The following PMPCB variants were observed in gnomAD, a reference collection of about 807,000 sequenced individuals.
PMPCB encodes mitochondrial-processing peptidase subunit beta.
PMPCB carries 46 observed loss-of-function variants against 61.5 expected under a neutral mutation model. That is an observed-to-expected ratio of 0.75 (90% CI 0.59 to 0.96). PMPCB has a LOEUF of 0.96. Among genes scored for constraint, PMPCB ranks in the 40% least tolerant of loss-of-function variants. PMPCB has a pLI of 0.00. For synonymous variants in PMPCB, 191 were observed against 201.6 expected, an observed-to-expected ratio of 0.95 and a Z score of 0.44; for missense variants, 590 against 602.4, an observed-to-expected ratio of 0.98 and a Z score of 0.22.
chr7:103,340,075 T>A, the PMPCB span, among the ~76,000 whole-genome samples: 2 of 152,208 alleles, frequency 1.3e-5, no homozygotes, highest in African/African-American at 2.4e-5. Context: ...TGACCTCGGG[T>A]GATCTGCCCG....
At chr7:103,342,211 T>C in the PMPCB span, among the ~76,000 whole-genome samples, 7 of 152,084 alleles carry the variant, frequency 4.6e-5, no homozygotes, top group Non-Finnish European at 1.0e-4. Flanking sequence ...GTAATGTCAA[T>C]GATAAATCAG....
intron 1 of PMPCB, chr7:103,297,968 G>A: frequency 8.4e-7 from 1 of 1,193,932 alleles, no homozygotes; most frequent in Non-Finnish European, 1.1e-6. Flanking sequence ...AATTTTTTAT[G>A]TATTTGCATT....
intron 12 of PMPCB, among the ~76,000 whole-genome samples, chr7:103,327,164 G>A (rs1486431426): frequency 6.6e-6 from 1 of 152,112 alleles, no homozygotes; most frequent in Admixed American, 6.6e-5. Flanking sequence ...GCTTAGTGAT[G>A]TGTATGTAAA....
chr7:103,301,295 C>T (rs1019898252), intron 4 of PMPCB, among the ~76,000 whole-genome samples: 5 of 152,176 alleles, frequency 3.3e-5, no homozygotes, highest in Non-Finnish European at 7.4e-5. Flanking sequence ...TTGTAAATAA[C>T]TAAAATACTT....
At chr7:103,305,400 A>G (rs927376510) in intron 6 of PMPCB, among the ~76,000 whole-genome samples, 1 of 152,108 alleles carries the variant, frequency 6.6e-6, no homozygotes, top group African/African-American at 2.4e-5. Flanking sequence ...ATTGGTTTCC[A>G]GTTTTTTATT....
intron 1 of PMPCB, chr7:103,297,833 G>A (rs1817330476): frequency 1.3e-6 from 2 of 1,508,702 alleles, no homozygotes; most frequent in East Asian, 2.6e-5. Context: ...CACTAAAAAC[G>A]TAGTGCTTGC....
the PMPCB span, among the ~76,000 whole-genome samples, chr7:103,338,601 G>C: frequency 3.3e-5 from 5 of 151,874 alleles, no homozygotes; most frequent in African/African-American, 1.2e-4. Context: ...ACCCGGCCAA[G>C]ACCCTGTCTT....
chr7:103,306,921 G>A (rs1254709496), intron 6 of PMPCB, among the ~76,000 whole-genome samples: 2 of 152,168 alleles, frequency 1.3e-5, no homozygotes, highest in East Asian at 1.9e-4. Context: ...ACCATGCCCA[G>A]CTAATTTTTG....
chr7:103,299,606 G>A, intron 3 of PMPCB, 77 bp downstream of exon 3: 1 of 802,622 alleles, frequency 1.2e-6, no homozygotes, highest in Middle Eastern at 2.3e-4. Context: ...TAGAGGCAGG[G>A]AGAGCTCTTT....
rs760732650 is a variant in PMPCB at position 103,319,693 on chromosome 7, A to G, written c.*1431+7562A>G. ...AGCACTGTAAGCTAAAGAAAAAAAA[A>G]GAAGAAATGAAACTTTATCCTAAGC... On this transcript the variant is annotated intron_variant and NMD_transcript_variant, in intron 12 of 12. Coordinates refer to the PMPCB transcript ENST00000444457. The G allele has an allele frequency of 3.1e-6, 5 of 1,613,990 alleles. No individual in the cohort carries two copies. The Admixed American group carries it at 6.7e-5, about 22-fold the overall frequency.
the PMPCB span, chr7:103,341,659 C>A: frequency 1.1e-6 from 1 of 941,154 alleles, no homozygotes; most frequent in Non-Finnish European, 1.6e-6. Context: ...TCATAGTTAT[C>A]TTGCTGAATC....
chr7:103,326,414 A>C lies in PMPCB; in HGVS notation c.*1432-2517A>C, dbSNP rs985468099. On this transcript the variant is annotated intron_variant and NMD_transcript_variant, in intron 12 of 12. Transcript: ENST00000444457. ...GGGCTGAATATTGCAGAGAAGGAGGAGGAGGAGGAAGAGACAGTGGAAATA... is the reference window on the plus strand; with the variant it reads ...GGGCTGAATATTGCAGAGAAGGAGGCGGAGGAGGAAGAGACAGTGGAAATA... 3.4e-6 allele frequency: 3 copies of C among 882,802 alleles called. No individual in the cohort carries two copies. The African/African-American group carries it at 5.2e-5, about 15-fold the overall frequency. 54.7% of individuals were successfully genotyped at this position (882,802 alleles called of 1,614,324 possible).
downstream of PMPCB, among the ~76,000 whole-genome samples, chr7:103,331,950 A>G (rs1818991472): frequency 6.6e-6 from 1 of 151,988 alleles, no homozygotes; most frequent in Non-Finnish European, 1.5e-5. Context: ...CACAGTGGCT[A>G]TGCTAATTTA....
At chr7:103,297,743 C>G (rs1817326902) in intron 1 of PMPCB, 185 bp downstream of exon 1, 1 of 1,534,110 alleles carries the variant, frequency 6.5e-7, no homozygotes, top group East Asian at 2.4e-5. Context: ...TGGCCACCCG[C>G]CAGGAGACCT....
rs909435898 is a variant in PMPCB at position 103,313,177 on chromosome 7, C to T, written c.*906C>T. On this transcript the variant is annotated 3_prime_UTR_variant, in exon 13 of 13. Transcript: ENST00000249269. ...ACAAGTCTTGTGGTCCACAAGTATT[C>T]GCTAAGTGCCCATTTCAATCTGGGA... 11 of 1,486,276 alleles carry T rather than the reference C, an allele frequency of 7.4e-6. No homozygotes were observed. The East Asian group carries it at 1.4e-4, about 19-fold the overall frequency. The allele number at this position is 1,486,276 out of a possible 1,614,324, so 92.1% of individuals were successfully genotyped here.
chr7:103,333,364 T>C (rs1023860266), downstream of PMPCB, among the ~76,000 whole-genome samples: 3 of 152,226 alleles, frequency 2.0e-5, no homozygotes, highest in African/African-American at 7.2e-5. Context: ...TCCTTAAGTT[T>C]TGATAAAGCA....
intron 6 of PMPCB, among the ~76,000 whole-genome samples, chr7:103,307,265 A>G (rs1347350139): frequency 2.6e-5 from 4 of 152,076 alleles, no homozygotes; most frequent in East Asian, 1.9e-4. Flanking sequence ...GAAAATTGGC[A>G]TTTTTTGCTA....
At chr7:103,344,249 T>G in the PMPCB span, 1 of 402,182 alleles carries the variant, frequency 2.5e-6, no homozygotes. Context: ...GGCAAGGAGA[T>G]GCTTATGAGA....
At chr7:103,323,521 C>T (rs977221628) in intron 12 of PMPCB, 32 of 1,314,638 alleles carry the variant, frequency 2.4e-5, no homozygotes, top group Middle Eastern at 2.1e-4. Context: ...AGAAAATTTA[C>T]GTGACAATTT....
Sources: gnomAD v4.1 joint callset for allele counts (sites outside exome capture counted in the v4.1 genomes callset) on GRCh38, gnomAD v4.1.1 for gene constraint, MANE v1.5 for transcripts, NCBI Gene and HGNC (gene_info 2026-07-23, HGNC 2026-07-21) for gene names.